Variants in NF2 observed in about 807,000 individuals in gnomAD.
NF2 encodes merlin.
In NF2, 8 loss-of-function variants were observed where a neutral mutation model predicts 83.7. The ratio of observed to expected loss-of-function variants is 0.10; its 90% confidence interval spans 0.06 to 0.17. The LOEUF (loss-of-function observed/expected upper bound fraction) is 0.17. NF2 is among the 10% of genes least tolerant of loss of function. The pLI is 1.00. For missense variants in NF2, 533 were observed against 744.4 expected (o/e 0.72, Z 3.31); for synonymous variants, 266 against 269.6 (o/e 0.99, Z 0.13).
intron 1 of NF2, among the ~76,000 whole-genome samples, chr22:29,634,251 C>T (rs2146837805): frequency 6.6e-6 from 1 of 152,300 alleles, no homozygotes. Flanking sequence ...TGACAGTCTA[C>T]GATCCTTTGT....
At chr22:29,662,511 T>A (rs910665599) in intron 8 of NF2, among the ~76,000 whole-genome samples, 1 of 152,254 alleles carries the variant, frequency 6.6e-6, no homozygotes. Context: ...GAAAATCCAG[T>A]CTTAGCATTC....
chr22:29,677,878 A>C (rs184096667), intron 13 of NF2, among the ~76,000 whole-genome samples: 5 of 152,324 alleles, frequency 3.3e-5, no homozygotes, highest in Admixed American at 3.3e-4. Flanking sequence ...CTGCATCTCC[A>C]GCCCCTTGCA....
intron 14 of NF2, 78 bp downstream of exon 14, chr22:29,678,401 A>G: frequency 6.4e-7 from 1 of 1,560,938 alleles, no homozygotes; most frequent in Admixed American, 1.7e-5. Context: ...GCTGGGGCAG[A>G]GGTGAGAGGT....
At chr22:29,666,436 G>A (rs1255940005) in intron 9 of NF2, among the ~76,000 whole-genome samples, 1 of 151,820 alleles carries the variant, frequency 6.6e-6, no homozygotes, top group Non-Finnish European at 1.5e-5. Flanking sequence ...ACTGCACCCA[G>A]CCACTTCTAT....
At chr22:29,607,436 C>T (rs540804617) in intron 1 of NF2, among the ~76,000 whole-genome samples, 59 of 152,292 alleles carry the variant, frequency 3.9e-4, no homozygotes, top group African/African-American at 1.3e-3. Context: ...AGCTGCACCT[C>T]CCTGAAGAGC....
intron 15 of NF2, chr22:29,683,861 C>T: frequency 2.8e-6 from 3 of 1,055,148 alleles, no homozygotes; most frequent in Non-Finnish European, 3.4e-6. Context: ...TCCAGCATGC[C>T]TAGGCAGTGG....
At chr22:29,611,965 A>C (rs1233039595) in intron 1 of NF2, among the ~76,000 whole-genome samples, 1 of 152,204 alleles carries the variant, frequency 6.6e-6, no homozygotes, top group East Asian at 1.9e-4. Flanking sequence ...AGAAAGTATA[A>C]AACTTATACT....
At chr22:29,648,130 C>CT (rs2066035277) in intron 4 of NF2, among the ~76,000 whole-genome samples, 1 of 81,902 alleles carries the variant, frequency 1.2e-5, no homozygotes, top group African/African-American at 4.9e-5. Context: ...GACTCCATCT[C>CT]AAAATAAATA....
At chr22:29,687,091 C>T (rs2067288235) in intron 15 of NF2, among the ~76,000 whole-genome samples, 1 of 152,200 alleles carries the variant, frequency 6.6e-6, no homozygotes, top group Admixed American at 6.5e-5. Flanking sequence ...TCTTTCATCG[C>T]TTCTCAAGAG....
intron 2 of NF2, 133 bp downstream of exon 2, chr22:29,637,009 A>T: frequency 7.4e-7 from 1 of 1,350,000 alleles, no homozygotes; most frequent in Non-Finnish European, 1.1e-6. Context: ...GAATTAAGTC[A>T]TGCAGAAAGC....
intron 1 of NF2, among the ~76,000 whole-genome samples, chr22:29,625,313 T>A (rs2065340185): frequency 1.3e-5 from 2 of 152,250 alleles, no homozygotes; most frequent in African/African-American, 4.8e-5. Flanking sequence ...TTCGGATTTC[T>A]GCCATAGTTA....
chr22:29,694,963 G>A lies in NF2; in HGVS notation c.*161G>A. On this transcript the variant is annotated 3_prime_UTR_variant, in exon 16 of 16. Transcript: ENST00000338641. The surrounding 1 kb of genome is among the most constrained non-coding windows in gnomAD (Gnocchi z 4.1). Reference sequence around the variant, plus strand: ...GTGAAGAGCCCAGCCCCTCTTATGTGCAATTGCCTTGAACTACGACCCTGT... The same window carrying A: ...GTGAAGAGCCCAGCCCCTCTTATGTACAATTGCCTTGAACTACGACCCTGT... 1.4e-6 allele frequency: 1 copy of A among 733,658 alleles called. No individual in the cohort carries two copies. The highest frequency in any genetic ancestry group is 2.4e-6 in the Non-Finnish European group (1 of 414,694). 45.4% of individuals were successfully genotyped at this position (733,658 alleles called of 1,614,324 possible).
chr22:29,683,214 A>G (rs1045884943), intron 15 of NF2: 1 of 1,592,400 alleles, frequency 6.3e-7, no homozygotes, highest in Non-Finnish European at 8.6e-7. Flanking sequence ...GCATGCTTTG[A>G]GTCTAAAAGT....
At chr22:29,613,105 AAAAG>A (rs1345328759) in intron 1 of NF2, among the ~76,000 whole-genome samples, 4 of 152,144 alleles carry the variant, frequency 2.6e-5, no homozygotes, top group African/African-American at 9.7e-5. Context: ...TCAAAAAAAA[AAAAG>A]AAATTGACAA....
chr22:29,672,620 A>AT (rs986973109), intron 11 of NF2, among the ~76,000 whole-genome samples: 275 of 128,836 alleles, frequency 2.1e-3, no homozygotes, highest in African/African-American at 5.1e-3. Context: ...CTGTACTTTT[A>AT]TTTTTTTTTT....
At chr22:29,666,145 T>G (rs2066616306) in intron 9 of NF2, among the ~76,000 whole-genome samples, 1 of 152,068 alleles carries the variant, frequency 6.6e-6, no homozygotes, top group African/African-American at 2.4e-5. Flanking sequence ...GATAATTAAG[T>G]GCTTTTTACT....
chr22:29,641,222 C>T (rs1174106694), intron 3 of NF2, among the ~76,000 whole-genome samples: 2 of 152,196 alleles, frequency 1.3e-5, no homozygotes, highest in Non-Finnish European at 2.9e-5. Flanking sequence ...TAGAAAGTTG[C>T]ACTGCTTGAG....
chr22:29,679,636 G>T (rs186951629), intron 14 of NF2, among the ~76,000 whole-genome samples: 1 of 152,128 alleles, frequency 6.6e-6, no homozygotes, highest in South Asian at 2.1e-4. Flanking sequence ...GGAGTCCAAG[G>T]GGGGCAGATC....
At chr22:29,668,264 C>T in intron 9 of NF2, 69 bp from the exon 10 acceptor site, 2 of 1,110,076 alleles carry the variant, frequency 1.8e-6, no homozygotes, top group East Asian at 2.4e-5. Flanking sequence ...TGCTATGGCA[C>T]TAGTGGGCCA....
Sources: allele counts gnomAD v4.1 joint callset (sites outside exome capture counted in the v4.1 genomes callset), GRCh38; gene constraint gnomAD v4.1.1; non-coding constraint Gnocchi (gnomAD v3.1); transcripts MANE v1.5; gene names NCBI Gene and HGNC (gene_info 2026-07-23, HGNC 2026-07-21).